The following SMIM20 variants were observed in gnomAD, a reference collection of about 807,000 sequenced individuals.
SMIM20 encodes the protein small integral membrane protein 20.
Under a neutral mutation model 8.7 loss-of-function variants are expected in SMIM20, and 3 were observed. The observed-to-expected ratio is 0.34, with a 90% CI of 0.16 to 0.89. The LOEUF is 0.89. Among genes scored for constraint, SMIM20 ranks in the 40% least tolerant of loss-of-function variants. The pLI, the probability that SMIM20 is intolerant of heterozygous loss-of-function variation, is 0.49. For synonymous variants in SMIM20, 44 were observed against 33.6 expected (o/e 1.31, Z -1.07); for missense variants, 85 against 84.8 (o/e 1.00, Z -0.01).
At chr4:25,915,857 GGC>G (rs1491358800) in intron 1 of SMIM20, among the ~76,000 whole-genome samples, 2,550 of 115,456 alleles carry the variant, frequency 0.022, 331 homozygotes, top group African/African-American at 0.036. Context: ...CTTGGGATGG[GGC>G]GGGGGGGGGG....
chr4:25,927,901 G>A (rs1253224217), intron 1 of SMIM20, among the ~76,000 whole-genome samples: 1 of 152,184 alleles, frequency 6.6e-6, no homozygotes, highest in Non-Finnish European at 1.5e-5. Flanking sequence ...GTCCTTTGGT[G>A]GAGTGCATTT....
chr4:25,926,679 G>C (rs566703197), intron 1 of SMIM20, among the ~76,000 whole-genome samples: 1 of 152,352 alleles, frequency 6.6e-6, no homozygotes, highest in Admixed American at 6.5e-5. Flanking sequence ...CAGTCTGCCA[G>C]CTTCTTTTGC....
intron 2 of SMIM20, 72 bp downstream of exon 2, chr4:25,928,441 G>T: frequency 1.4e-6 from 2 of 1,463,030 alleles, no homozygotes; most frequent in Non-Finnish European, 1.8e-6. Context: ...GTGTGTGTTT[G>T]CCTTGGCGTG....
rs1385568960 is a variant in SMIM20 at position 25,929,469 on chromosome 4, G to A, written c.*278G>A. The A allele has an allele frequency of 2.6e-6, 1 of 388,826 alleles. No individual in the cohort carries two copies. The highest frequency in any genetic ancestry group is 4.6e-6 in the Non-Finnish European group (1 of 216,668). 24.1% of individuals were successfully genotyped at this position (388,826 alleles called of 1,614,324 possible). On this transcript the variant is annotated 3_prime_UTR_variant, in exon 3 of 3. Coordinates refer to ENST00000506197, the MANE Select transcript of SMIM20 (RefSeq NM_001145432.3). ...GCTATCTCACCCAGCTGGGTTTGGA[G>A]GAGCAATCTGCTTATTATTCTGTCG...
chr4:25,928,195 T>A, intron 1 of SMIM20, 118 bp from the exon 2 acceptor site: 3 of 984,730 alleles, frequency 3.0e-6, no homozygotes, highest in Non-Finnish European at 4.5e-6. Flanking sequence ...TATCTGAATT[T>A]AACAGCACTC....
At chr4:25,920,163 A>G (rs1002208905) in intron 1 of SMIM20, among the ~76,000 whole-genome samples, 17 of 152,234 alleles carry the variant, frequency 1.1e-4, no homozygotes, top group Admixed American at 9.2e-4. Flanking sequence ...ACAGTGCTCC[A>G]GTAACCCTTT....
At chr4:25,916,322 T>C (rs541609384) in intron 1 of SMIM20, among the ~76,000 whole-genome samples, 19 of 151,610 alleles carry the variant, frequency 1.3e-4, no homozygotes, top group Non-Finnish European at 1.0e-4. Flanking sequence ...GCAATTCTCC[T>C]GCTTCAGCCT....
chr4:25,923,795 A>T (rs1719241339), intron 1 of SMIM20, among the ~76,000 whole-genome samples: 1 of 152,258 alleles, frequency 6.6e-6, no homozygotes, highest in African/African-American at 2.4e-5. Context: ...CCAGGTGCTT[A>T]GAATATGCTT....
At chr4:25,917,596 TTTTTA>T (rs1174135257) in intron 1 of SMIM20, among the ~76,000 whole-genome samples, 1 of 152,134 alleles carries the variant, frequency 6.6e-6, no homozygotes, top group Admixed American at 6.5e-5. Flanking sequence ...AGCACTCTCT[TTTTTA>T]GAAGAAACCT....
intron 1 of SMIM20, among the ~76,000 whole-genome samples, chr4:25,922,752 A>G (rs1261793275): frequency 6.6e-6 from 1 of 152,206 alleles, no homozygotes; most frequent in East Asian, 1.9e-4. Flanking sequence ...AGCAAGACTT[A>G]GGGCTGGCAA....
At chr4:25,926,158 A>G (rs1485008333) in intron 1 of SMIM20, among the ~76,000 whole-genome samples, 2 of 152,176 alleles carry the variant, frequency 1.3e-5, no homozygotes, top group Non-Finnish European at 2.9e-5. Flanking sequence ...GTTTATATAC[A>G]TTTGCTCTTT....
chr4:25,925,661 A>G (rs1268940384), intron 1 of SMIM20, among the ~76,000 whole-genome samples: 1 of 152,118 alleles, frequency 6.6e-6, no homozygotes, highest in African/African-American at 2.4e-5. Context: ...CCACTAGAGC[A>G]CCCTCAACGA....
intron 1 of SMIM20, among the ~76,000 whole-genome samples, chr4:25,916,225 T>C (rs1185418605): frequency 6.7e-6 from 1 of 149,956 alleles, no homozygotes; most frequent in Non-Finnish European, 1.5e-5. Context: ...TTCCTTTTTG[T>C]TTTTTTTTCT....
chr4:25,928,184 G>C, intron 1 of SMIM20, 129 bp from the exon 2 acceptor site: 1 of 815,374 alleles, frequency 1.2e-6, no homozygotes, highest in Non-Finnish European at 1.9e-6. Flanking sequence ...GCATAATAGC[G>C]TATCTGAATT....
At chr4:25,924,273 C>G (rs1432211508) in intron 1 of SMIM20, among the ~76,000 whole-genome samples, 1 of 152,202 alleles carries the variant, frequency 6.6e-6, no homozygotes, top group African/African-American at 2.4e-5. Flanking sequence ...TTGAAATAAT[C>G]ACCATGGAAG....
chr4:25,916,767 GCT>G (rs1172760361), intron 1 of SMIM20, among the ~76,000 whole-genome samples: 1 of 152,136 alleles, frequency 6.6e-6, no homozygotes, highest in Non-Finnish European at 1.5e-5. Flanking sequence ...TGTTGGCCAG[GCT>G]GGTCTTAAAC....
chr4:25,927,256 T>C (rs1711531254), intron 1 of SMIM20, among the ~76,000 whole-genome samples: 1 of 152,222 alleles, frequency 6.6e-6, no homozygotes, highest in Non-Finnish European at 1.5e-5. Context: ...CCCAGTGTTT[T>C]ATTTGCCACA....
At chr4:25,921,898 C>T (rs1236574194) in intron 1 of SMIM20, among the ~76,000 whole-genome samples, 1 of 152,028 alleles carries the variant, frequency 6.6e-6, no homozygotes, top group Non-Finnish European at 1.5e-5. Context: ...GTCACAAGCC[C>T]CATAAAGACA....
intron 1 of SMIM20, among the ~76,000 whole-genome samples, chr4:25,925,222 T>G (rs1719267633): frequency 6.6e-6 from 1 of 152,074 alleles, no homozygotes; most frequent in Non-Finnish European, 1.5e-5. Context: ...TGAGTTGCTT[T>G]TATTTTATTT....
Sources: allele counts gnomAD v4.1 joint callset (sites outside exome capture counted in the v4.1 genomes callset), GRCh38; gene constraint gnomAD v4.1.1; transcripts MANE v1.5; gene names NCBI Gene and HGNC (gene_info 2026-07-23, HGNC 2026-07-21).